Variants in XKR6 observed in about 807,000 individuals in gnomAD.
XKR6 encodes the protein XK-related protein 6.
XKR6 carries 22 observed loss-of-function variants against 56.7 expected under a neutral mutation model. That is an observed-to-expected ratio of 0.39 (90% CI 0.28 to 0.55). The LOEUF (loss-of-function observed/expected upper bound fraction) is 0.55, where lower values mean the gene tolerates loss of function less well. XKR6 is among the 20% of genes least tolerant of loss of function. The pLI is 0.66. For synonymous variants in XKR6, 524 were observed against 387.8 expected (o/e 1.35, Z -4.13); for missense variants, 852 against 889.0 (o/e 0.96, Z 0.53).
intron 1 of XKR6, among the ~76,000 whole-genome samples, chr8:11,097,197 A>T (rs1798290244): frequency 6.6e-6 from 1 of 152,230 alleles, no homozygotes; most frequent in African/African-American, 2.4e-5. Context: ...GGTCCCACTC[A>T]TAAGCCCTCA....
intron 1 of XKR6, among the ~76,000 whole-genome samples, chr8:11,084,967 T>C (rs775309677): frequency 7.3e-4 from 111 of 152,224 alleles, no homozygotes; most frequent in Non-Finnish European, 1.4e-3. Flanking sequence ...TGCACCACCA[T>C]CCCCAGGGTA....
At chr8:11,154,932 A>G (rs190587092) in intron 1 of XKR6, among the ~76,000 whole-genome samples, 2 of 152,354 alleles carry the variant, frequency 1.3e-5, no homozygotes, top group Admixed American at 1.3e-4. Flanking sequence ...ATTCTTATAA[A>G]TCTGCTGACA....
chr8:11,076,642 C>A (rs1002243324), intron 1 of XKR6, among the ~76,000 whole-genome samples: 2 of 152,166 alleles, frequency 1.3e-5, no homozygotes, highest in African/African-American at 4.8e-5. Context: ...GCAAAGCGCC[C>A]CCAGCACAGG....
intron 1 of XKR6, among the ~76,000 whole-genome samples, chr8:10,929,678 C>A (rs1257261819): frequency 6.6e-6 from 1 of 152,170 alleles, no homozygotes; most frequent in African/African-American, 2.4e-5. Flanking sequence ...ATGCCTAGAC[C>A]AGAGTAGAAC....
In XKR6 at chr8:11,201,151, G is replaced by C. The variant is rs961289266; in HGVS notation, c.189C>G (p.Ser63=). The C allele has an allele frequency of 1.2e-5, 18 of 1,522,108 alleles. No individual in the cohort carries two copies. Among genetic ancestry groups the C allele is most frequent in the Middle Eastern group, 2.0e-4 (1 of 4,910 alleles). The allele number at this position is 1,522,108 out of a possible 1,614,324, so 94.3% of individuals were successfully genotyped here. A position where few individuals can be genotyped will look rare whatever the true frequency, so the allele number is the denominator to read the frequency against. ...CGGAGCGGCAGCCCCAGTAGCACGA[G>C]GAGGTGTTGCAGCAGTGGCAGATGT... ...SMHICHCCNT[S]SCYWGCRSAC... is the part of the protein sequence containing the mutation. The change falls in exon 1 of 3, where the codon TCC becomes TCG. Residue 63 remains serine (S), a synonymous_variant. Coordinates refer to ENST00000416569, the MANE Select transcript of XKR6 (RefSeq NM_173683.4).
At chr8:11,075,809 G>C (rs1800259417) in intron 1 of XKR6, among the ~76,000 whole-genome samples, 1 of 152,076 alleles carries the variant, frequency 6.6e-6, no homozygotes, top group Non-Finnish European at 1.5e-5. Context: ...GGGGGCAGAG[G>C]TTGCAGTGAG....
At chr8:11,059,802 T>C (rs1019397833) in intron 1 of XKR6, among the ~76,000 whole-genome samples, 16 of 151,594 alleles carry the variant, frequency 1.1e-4, no homozygotes, top group Non-Finnish European at 1.9e-4. Context: ...TGGAGCGCGG[T>C]CCACGGGGAC....
At chr8:11,112,851 G>A (rs1798973969) in intron 1 of XKR6, among the ~76,000 whole-genome samples, 1 of 152,048 alleles carries the variant, frequency 6.6e-6, no homozygotes, top group Non-Finnish European at 1.5e-5. Flanking sequence ...ATTACAGAAA[G>A]CCACATACAT....
At chr8:11,169,136 C>G (rs1802236132) in intron 1 of XKR6, among the ~76,000 whole-genome samples, 1 of 152,202 alleles carries the variant, frequency 6.6e-6, no homozygotes, top group Non-Finnish European at 1.5e-5. Context: ...CTTCCCTGCC[C>G]AGTCCATAAA....
intron 1 of XKR6, among the ~76,000 whole-genome samples, chr8:11,061,116 T>C (rs142707244): frequency 6.6e-6 from 1 of 152,084 alleles, no homozygotes. Context: ...ATGGCAAAGG[T>C]TCCTTGCTGG....
At chr8:10,906,107 C>G (rs897529005) in intron 2 of XKR6, among the ~76,000 whole-genome samples, 1 of 152,154 alleles carries the variant, frequency 6.6e-6, no homozygotes, top group African/African-American at 2.4e-5. Flanking sequence ...ATTTCACTCC[C>G]CAGAATCTGG....
chr8:10,930,667 C>T (rs186414312), intron 1 of XKR6, among the ~76,000 whole-genome samples: 1 of 152,200 alleles, frequency 6.6e-6, no homozygotes. Context: ...TCAATGTAAT[C>T]TATGACATTA....
At chr8:10,981,229 TC>T (rs1296372647) in intron 1 of XKR6, among the ~76,000 whole-genome samples, 1 of 152,158 alleles carries the variant, frequency 6.6e-6, no homozygotes. Context: ...TGTGTGCTTG[TC>T]CCCAGAGCAT....
At chr8:11,196,636 T>C (rs1803907045) in intron 1 of XKR6, among the ~76,000 whole-genome samples, 1 of 152,222 alleles carries the variant, frequency 6.6e-6, no homozygotes, top group African/African-American at 2.4e-5. Flanking sequence ...AGAACACAAA[T>C]CTAATATTCC....
rs527856735 is a variant in XKR6, at chr8:11,158,222, G to A, written c.764+42354C>T. On this transcript the variant is annotated intron_variant, in intron 1 of 2. Coordinates refer to ENST00000416569, the MANE Select transcript of XKR6 (RefSeq NM_173683.4). ...AAATACAGTGTGCAATGGAAGCAGAGAGCAGAAGCATCTAACGGTCTGAGC... is the reference window on the plus strand; with the variant it reads ...AAATACAGTGTGCAATGGAAGCAGAAAGCAGAAGCATCTAACGGTCTGAGC... 8.3e-4 allele frequency among the ~76,000 whole-genome samples: 127 copies of A among 152,296 alleles called. 1 individual carries two copies. Among genetic ancestry groups the A allele is most frequent in the African/African-American group, 3.0e-3 (123 of 41,550 alleles).
At chr8:11,099,086 C>T (rs1798370048) in intron 1 of XKR6, among the ~76,000 whole-genome samples, 1 of 152,132 alleles carries the variant, frequency 6.6e-6, no homozygotes, top group Non-Finnish European at 1.5e-5. Context: ...CATTTTCGCC[C>T]TCCTCTGTCC....
intron 1 of XKR6, among the ~76,000 whole-genome samples, chr8:11,049,102 G>C (rs1384019197): frequency 2.6e-5 from 4 of 152,224 alleles, no homozygotes; most frequent in Non-Finnish European, 5.9e-5. Context: ...AGCTTTTCTG[G>C]GGAGGAAAGG....
At chr8:11,143,013 T>C (rs1305167997) in intron 1 of XKR6, among the ~76,000 whole-genome samples, 3 of 152,232 alleles carry the variant, frequency 2.0e-5, no homozygotes, top group Non-Finnish European at 4.4e-5. Context: ...CAAATATTCA[T>C]CTTGACTTTC....
intron 1 of XKR6, among the ~76,000 whole-genome samples, chr8:11,055,035 T>A (rs1397875783): frequency 6.6e-6 from 1 of 152,136 alleles, no homozygotes; most frequent in Non-Finnish European, 1.5e-5. Context: ...ACCCAGAGGC[T>A]TTGCTTGGAT....
Sources: gnomAD v4.1 joint callset for allele counts (sites outside exome capture counted in the v4.1 genomes callset) on GRCh38, gnomAD v4.1.1 for gene constraint, MANE v1.5 for transcripts, NCBI Gene and HGNC (gene_info 2026-07-23, HGNC 2026-07-21) for gene names.